RFESD: variants seen among roughly 807,000 people sequenced by gnomAD.
RFESD encodes Rieske Fe-S domain containing.
RFESD carries 16 observed loss-of-function variants against 24.4 expected under a neutral mutation model. The observed-to-expected ratio is 0.66, with a 90% confidence interval of 0.44 to 1.00. RFESD has a LOEUF of 1.00. Ranked by LOEUF, RFESD falls within the 50% of genes least tolerant of loss-of-function variation. RFESD has a pLI of 0.00. For synonymous variants in RFESD, 59 were observed against 81.8 expected (o/e 0.72, Z 1.50); for missense variants, 208 against 247.0 (o/e 0.84, Z 1.06).
chr5:95,650,238 TAG>T (rs1228513618), intron 1 of RFESD, among the ~76,000 whole-genome samples: 3 of 152,172 alleles, frequency 2.0e-5, no homozygotes, highest in Non-Finnish European at 2.9e-5. Flanking sequence ...AAAAAAAAAT[TAG>T]AGCAGAATTA....
chr5:95,653,986 T>A (rs1750540883), intron 3 of RFESD, 75 bp from the exon 4 acceptor site: 1 of 1,244,434 alleles, frequency 8.0e-7, no homozygotes, highest in African/African-American at 1.5e-5. Flanking sequence ...CTATTCATTC[T>A]TAGGGTTATC....
In RFESD at chr5:95,657,886, A is replaced by G. The variant is rs1750860334; in HGVS notation, c.*1577A>G. 1 of 152,156 alleles carries G rather than the reference A, an allele frequency of 6.6e-6. No individual in the cohort carries two copies. Among genetic ancestry groups the G allele is most frequent in the Admixed American group, 6.6e-5 (1 of 15,260 alleles). 9.4% of individuals were successfully genotyped at this position (152,156 alleles called of 1,614,324 possible). A position where few individuals can be genotyped will look rare whatever the true frequency, so the allele number is the denominator to read the frequency against. On this transcript the variant is annotated 3_prime_UTR_variant, in exon 6 of 6. Coordinates refer to ENST00000380005, the MANE Select transcript of RFESD (RefSeq NM_001131066.2). ...TCAATGCCCAGTCAGGTCTTAACAC[A>G]TGTCCAGAATATAAAGTGTACAGAA...
chr5:95,655,608 T>G (rs1750702579), intron 5 of RFESD: 1 of 154,662 alleles, frequency 6.5e-6, no homozygotes, highest in Non-Finnish European at 1.4e-5. Context: ...ATTAACTACT[T>G]TGGATCACAA....
chr5:95,656,198 A>G lies in RFESD; in HGVS notation c.522A>G (p.Thr174=). Reference sequence around the variant, plus strand: ...AAGGAATAAAGCAAAGGATTCACACAGTGACAGTAGACAACGGAAATATTT... The same window carrying G: ...AAGGAATAAAGCAAAGGATTCACACGGTGACAGTAGACAACGGAAATATTT... ...CSKGIKQRIH[T]VTVDNGNIYV... is the part of the protein sequence containing the mutation. The change falls in exon 6 of 6, where the codon ACA becomes ACG. Residue 174 remains threonine, a synonymous_variant. Transcript: ENST00000380005. The G allele has an allele frequency of 1.2e-6, 2 of 1,614,102 alleles. No homozygotes were observed. Among genetic ancestry groups the G allele is most frequent in the Admixed American group, 1.7e-5 (1 of 60,028 alleles).
In RFESD at chr5:95,652,162, A is replaced by AG. The variant is rs1561385831; in HGVS notation, c.-109dup. On this transcript the variant is annotated 5_prime_UTR_variant, in exon 2 of 6. Transcript: ENST00000380005. The stretch of plus-strand genomic sequence containing the variant: ...GTTACCACCTATTTGCAATTCAAGG[A>AG]GAATATAAGACAGAGAAGAAAGCTG... 19 of 1,333,438 alleles carry AG rather than the reference A, an allele frequency of 1.4e-5. No individual in the cohort carries two copies. The highest frequency in any genetic ancestry group is 1.8e-5 in the Non-Finnish European group (18 of 1,016,070). 82.6% of individuals were successfully genotyped at this position (1,333,438 alleles called of 1,614,324 possible).
chr5:95,654,490 T>A, intron 5 of RFESD, 123 bp downstream of exon 5: 1 of 702,766 alleles, frequency 1.4e-6, no homozygotes, highest in Non-Finnish European at 2.4e-6. Context: ...TGGGAATTCA[T>A]AAGATAAATG....
chr5:95,652,972 T>A (rs1750448093), intron 2 of RFESD, 145 bp from the exon 3 acceptor site: 1 of 1,130,192 alleles, frequency 8.8e-7, no homozygotes. Flanking sequence ...GGCTTTCCTT[T>A]GCTCTTAGAG....
At chr5:95,651,614 G>A (rs1750346461) in intron 1 of RFESD, among the ~76,000 whole-genome samples, 1 of 152,096 alleles carries the variant, frequency 6.6e-6, no homozygotes, top group East Asian at 1.9e-4. Context: ...TGCCTAGGCT[G>A]GTCTTGAATT....
rs1166014911 is a variant in RFESD at position 95,656,137 on chromosome 5, CT to C, written c.462del (p.Asp156IlefsTer13). ...GAAGGTCTGTACCAGTCTATAAACC[CT>C]AAAGATCCATCAGCAAAACCCAAGT... ...TGEGLYQSINPKDPSAKPKWC... is the reference protein window; with the variant it reads ...TGEGLYQSINXKDPSAKPKWC... On this transcript the variant is annotated frameshift_variant, in exon 6 of 6. Transcript: ENST00000380005. LOFTEE classifies it high-confidence loss of function. 1 of 1,613,716 alleles carries C rather than the reference CT, an allele frequency of 6.2e-7. No individual in the cohort carries two copies. The highest frequency in any genetic ancestry group is 1.7e-5 in the Admixed American group (1 of 59,978).
chr5:95,651,489 G>A (rs990981175), intron 1 of RFESD, among the ~76,000 whole-genome samples: 1 of 152,122 alleles, frequency 6.6e-6, no homozygotes, highest in Non-Finnish European at 1.5e-5. Flanking sequence ...CAAACTCCTG[G>A]GCTCAAGTGA....
At position 95,654,080 on chromosome 5, in the gene RFESD, G is replaced by C. The variant is rs1361057433; in HGVS notation, c.178G>C (p.Ala60Pro). Reference protein sequence around the residue: ...FYLSMNLDGSAQDPEKREYSS... With the variant: ...FYLSMNLDGSPQDPEKREYSS... Reference sequence around the variant, plus strand: ...AACTAGCATGAATCTTGATGGCTCTGCACAAGATCCTGAAAAGAGGGAATA... The same window carrying C: ...AACTAGCATGAATCTTGATGGCTCTCCACAAGATCCTGAAAAGAGGGAATA... The change falls in exon 4 of 6, where the codon GCA (alanine) becomes CCA (proline). Residue 60 changes from alanine to proline, a missense_variant. Ala to Pro is a conservative substitution (Grantham distance 27). Coordinates refer to ENST00000380005, the MANE Select transcript of RFESD (RefSeq NM_001131066.2). The C allele has an allele frequency of 6.2e-7, 1 of 1,610,822 alleles. No homozygotes were observed. Among genetic ancestry groups the C allele is most frequent in the Non-Finnish European group, 8.5e-7 (1 of 1,179,548 alleles).
intron 2 of RFESD, 40 bp from the exon 3 acceptor site, chr5:95,653,077 T>C (rs1750456462): frequency 6.5e-7 from 1 of 1,549,470 alleles, no homozygotes; most frequent in African/African-American, 1.4e-5. Flanking sequence ...TCACCAAGAC[T>C]TTTCTTTCCT....
In RFESD at chr5:95,654,320, A is replaced by C; in HGVS notation, c.335-13A>C. 2 of 1,609,756 alleles carry C rather than the reference A, an allele frequency of 1.2e-6. No individual in the cohort carries two copies. Among genetic ancestry groups the C allele is most frequent in the South Asian group, 1.1e-5 (1 of 90,872 alleles). ...TTTTTAGTGACTGCAGGTAATATTC[A>C]ATTCCTTTTCAGACTCAGGAGGACC... On this transcript the variant is annotated splice_polypyrimidine_tract_variant and intron_variant, in intron 4 of 5. Coordinates refer to ENST00000380005, the MANE Select transcript of RFESD (RefSeq NM_001131066.2).
chr5:95,648,628 A>G (rs1750198458), intron 1 of RFESD, among the ~76,000 whole-genome samples: 1 of 152,190 alleles, frequency 6.6e-6, no homozygotes, highest in Non-Finnish European at 1.5e-5. Flanking sequence ...ATACTTTTCT[A>G]AGCAAAATGC....
chr5:95,654,104 T>A lies in RFESD; in HGVS notation c.202T>A (p.Tyr68Asn), dbSNP rs752543791. ...GSAQDPEKRE[Y>N]SSVCVGREDD... is the part of the protein sequence containing the mutation. ...TGCACAAGATCCTGAAAAGAGGGAA[T>A]ATTCTTCTGTGTGTGTGGGCAGAGA... is the stretch of plus-strand genomic sequence containing the variant. The change falls in exon 4 of 6, where the codon TAT becomes AAT. Residue 68 changes from tyrosine to asparagine, a missense_variant. Transcript: ENST00000380005. 5.1e-5 allele frequency: 83 copies of A among 1,611,846 alleles called. No homozygotes were observed. Among genetic ancestry groups the A allele is most frequent in the Non-Finnish European group, 6.3e-5 (74 of 1,179,866 alleles).
chr5:95,652,085 G>A lies in RFESD; in HGVS notation c.-135-52G>A, dbSNP rs17084945. 1.0e-2 allele frequency: 5,972 copies of A among 597,544 alleles called. 175 individuals carry two copies. Among genetic ancestry groups the A allele is most frequent in the African/African-American group, 0.075 (4,045 of 54,128 alleles). 37.0% of individuals were successfully genotyped at this position (597,544 alleles called of 1,614,324 possible). On this transcript the variant is annotated intron_variant, in intron 1 of 5. Coordinates refer to ENST00000380005, the MANE Select transcript of RFESD (RefSeq NM_001131066.2). ...ATTATTTATTGTTTAGTACACAGACGTGACCAGCATTGGAATTTATGTGGC... is the reference window on the plus strand; with the variant it reads ...ATTATTTATTGTTTAGTACACAGACATGACCAGCATTGGAATTTATGTGGC...
At position 95,656,381 on chromosome 5, in the gene RFESD, T is replaced by A; in HGVS notation, c.*72T>A. On this transcript the variant is annotated 3_prime_UTR_variant, in exon 6 of 6. Transcript: ENST00000380005. ...TTTTAGAATAACTCTGCTTCAGTTT[T>A]AAAGGTGATGAAATTTTTCAACATA... The A allele has an allele frequency of 7.6e-7, 1 of 1,307,228 alleles. No homozygotes were observed. Among genetic ancestry groups the A allele is most frequent in the Non-Finnish European group, 1.1e-6 (1 of 950,234 alleles). The allele number at this position is 1,307,228 out of a possible 1,614,324, so 81.0% of individuals were successfully genotyped here. A position where few individuals can be genotyped will look rare whatever the true frequency, so the allele number is the denominator to read the frequency against.
At position 95,656,120 on chromosome 5, in the gene RFESD, G is replaced by C; in HGVS notation, c.444G>C (p.Leu148=). 6.2e-7 allele frequency: 1 copy of C among 1,613,716 alleles called. No individual in the cohort carries two copies. Among genetic ancestry groups the C allele is most frequent in the Non-Finnish European group, 8.5e-7 (1 of 1,179,666 alleles). The change falls in exon 6 of 6, where the codon CTG becomes CTC. Residue 148 remains leucine (L), a synonymous_variant. Transcript: ENST00000380005. ...YKITLATGEG[L]YQSINPKDPS... is the part of the protein sequence containing the mutation. ...TTACTTTGGCAACAGGAGAAGGTCTGTACCAGTCTATAAACCCTAAAGATC... is the reference window on the plus strand; with the variant it reads ...TTACTTTGGCAACAGGAGAAGGTCTCTACCAGTCTATAAACCCTAAAGATC...
At chr5:95,647,714 A>G (rs1182468065) in intron 1 of RFESD, 1 of 151,956 alleles carries the variant, frequency 6.6e-6, no homozygotes, top group East Asian at 1.9e-4. Flanking sequence ...ACCAATATAC[A>G]TATTTGCTTT....
Sources: gnomAD v4.1 joint callset for allele counts (sites outside exome capture counted in the v4.1 genomes callset) on GRCh38, gnomAD v4.1.1 for gene constraint, MANE v1.5 for transcripts, NCBI Gene and HGNC (gene_info 2026-07-23, HGNC 2026-07-21) for gene names.